Variants in MYNN observed in about 807,000 individuals in gnomAD.
MYNN encodes zinc finger and BTB domain-containing protein 31.
MYNN carries 22 observed loss-of-function variants against 57.2 expected under a neutral mutation model. The observed-to-expected ratio is 0.38, with a 90% CI of 0.27 to 0.55. The LOEUF (loss-of-function observed/expected upper bound fraction) is 0.55, where lower values mean the gene tolerates loss of function less well. MYNN is among the 20% of genes least tolerant of loss of function. The pLI is 0.71. For missense variants in MYNN, 566 were observed against 723.1 expected, an observed-to-expected ratio of 0.78 and a Z score of 2.49; for synonymous variants, 241 against 257.1, an observed-to-expected ratio of 0.94 and a Z score of 0.60.
At chr3:169,774,111 GA>G in intron 1 of MYNN, 153 bp from the exon 2 acceptor site, 1 of 601,710 alleles carries the variant, frequency 1.7e-6, no homozygotes, top group Non-Finnish European at 2.9e-6. Flanking sequence ...ACCAAAGATA[GA>G]AAGGCACTCA....
chr3:169,778,901 G>A lies in MYNN; in HGVS notation c.400G>A (p.Gly134Arg), dbSNP rs1272092027. Residue 134 changes from glycine to arginine, a missense_variant, in exon 3 of 8, where the codon GGA becomes AGA. Around this residue, in one of 4 missense-constraint regions of MYNN, gnomAD observed 261 missense variants for 280.8 expected, o/e 0.93. Transcript: ENST00000349841. ...TTCTACAGAGATATCTAGTATTACT[G>A]GAAACATTGAATTGAATCAACAGAC... ...PSSTEISSIT[G>R]NIELNQQTCL... The A allele has an allele frequency of 1.9e-6, 3 of 1,613,862 alleles. No homozygotes were observed. Among genetic ancestry groups the A allele is most frequent in the Non-Finnish European group, 2.5e-6 (3 of 1,180,006 alleles).
intron 5 of MYNN, among the ~76,000 whole-genome samples, chr3:169,783,029 TAC>T (rs1778565241): frequency 6.6e-6 from 1 of 152,168 alleles, no homozygotes; most frequent in South Asian, 2.1e-4. Context: ...GGACCTTTCC[TAC>T]ACAGATATTC....
Position 169,774,545 on chromosome 3 carries a change from A to G in MYNN, c.250A>G (p.Thr84Ala). 6.2e-7 allele frequency: 1 copy of G among 1,611,678 alleles called. No homozygotes were observed. Among genetic ancestry groups the G allele is most frequent in the Non-Finnish European group, 8.5e-7 (1 of 1,178,074 alleles). The change falls in exon 2 of 8, where the codon ACT (threonine) becomes GCT (alanine). Residue 84 changes from threonine to alanine, a missense_variant. Around this residue, in one of 4 missense-constraint regions of MYNN, gnomAD observed 261 missense variants for 280.8 expected, o/e 0.93. Coordinates refer to ENST00000349841, the MANE Select transcript of MYNN (RefSeq NM_018657.5). ...QKLLEFIYTG[T>A]LNLDSWNVKE... is the part of the protein sequence containing the mutation. ...ACTGTTGGAGTTTATATACACAGGAACTTTAAATCTTGACAGGTAAAGTAC... is the reference window on the plus strand; with the variant it reads ...ACTGTTGGAGTTTATATACACAGGAGCTTTAAATCTTGACAGGTAAAGTAC...
Position 169,779,036 on chromosome 3 carries a change from A to T in MYNN, c.535A>T (p.Thr179Ser). The T allele has an allele frequency of 6.2e-7, 1 of 1,614,088 alleles. No individual in the cohort carries two copies. Among genetic ancestry groups the T allele is most frequent in the Middle Eastern group, 1.6e-4 (1 of 6,062 alleles). ...QGALAKKSSQTKKKKKAFNSP... is the reference protein window; with the variant it reads ...QGALAKKSSQSKKKKKAFNSP... ...CGCGTTAGCGAAAAAGTCATCTCAA[A>T]CGAAAAAGAAGAAGAAGGCTTTCAA... Residue 179 changes from threonine to serine, a missense_variant, in exon 3 of 8, where the codon ACG becomes TCG. Thr to Ser is a moderately conservative substitution (Grantham distance 58). Around this residue, in one of 4 missense-constraint regions of MYNN, gnomAD observed 261 missense variants for 280.8 expected, o/e 0.93. Transcript: ENST00000349841.
At chr3:169,785,774 T>A (rs1320586585) in intron 7 of MYNN, among the ~76,000 whole-genome samples, 2 of 152,040 alleles carry the variant, frequency 1.3e-5, no homozygotes, top group Non-Finnish European at 2.9e-5. Flanking sequence ...GAAACCAAAA[T>A]CATGTCAACA....
chr3:169,783,777 C>T, intron 6 of MYNN: 2 of 607,870 alleles, frequency 3.3e-6, no homozygotes, highest in Non-Finnish European at 6.1e-6. Context: ...GTTGGTTTTC[C>T]AAGAAATATG....
chr3:169,784,797 A>G, intron 7 of MYNN, 89 bp downstream of exon 7: 1 of 815,142 alleles, frequency 1.2e-6, no homozygotes, highest in Non-Finnish European at 1.9e-6. Flanking sequence ...GATGAGATTT[A>G]CATTTAAGCA....
Position 169,776,694 on chromosome 3 carries a change from A to ATTTTT in MYNN, c.267-2051_267-2047dup, listed in dbSNP as rs10681957. On this transcript the variant is annotated intron_variant, in intron 2 of 7. Coordinates refer to ENST00000349841, the MANE Select transcript of MYNN (RefSeq NM_018657.5). ...GAATTACCATTTCAATGTTGAACAA[A>ATTTTT]TTTTTTTTTTTTTTTTTTTTTTTTT... 5.4e-4 allele frequency among the ~76,000 whole-genome samples: 57 copies of ATTTTT among 105,664 alleles called. 2 individuals are homozygous for ATTTTT. The highest frequency in any genetic ancestry group is 5.8e-3 in the Middle Eastern group (1 of 172). 69.3% of individuals were successfully genotyped at this position (105,664 alleles called of 152,430 possible). A position where few individuals can be genotyped will look rare whatever the true frequency, so the allele number is the denominator to read the frequency against.
Position 169,788,948 on chromosome 3 carries a change from CTTTATA to C in MYNN, c.*2274_*2279del, listed in dbSNP as rs1778749704. ...TAACTACCATTTTAGTTAAGTCCAA[CTTTATA>C]TTTGTTACAATGCAGTGTTTTGGGA... On this transcript the variant is annotated 3_prime_UTR_variant, in exon 8 of 8. Transcript: ENST00000349841. The C allele has an allele frequency of 6.6e-6, 1 of 152,040 alleles. No homozygotes were observed. The highest frequency in any genetic ancestry group is 1.5e-5 in the Non-Finnish European group (1 of 67,994). The allele number at this position is 152,040 out of a possible 1,614,324, so 9.4% of individuals were successfully genotyped here. A position where few individuals can be genotyped will look rare whatever the true frequency, so the allele number is the denominator to read the frequency against.
intron 5 of MYNN, 41 bp from the exon 6 acceptor site, chr3:169,783,436 G>A (rs777873019): frequency 1.9e-6 from 2 of 1,063,766 alleles, no homozygotes; most frequent in Non-Finnish European, 2.9e-6. Context: ...ATATTATATT[G>A]GTATAGTACA....
Position 169,786,514 on chromosome 3 carries a change from C to T in MYNN, c.1669C>T (p.Pro557Ser), listed in dbSNP as rs765453822. 6.2e-7 allele frequency: 1 copy of T among 1,613,640 alleles called. No individual in the cohort carries two copies. Among genetic ancestry groups the T allele is most frequent in the South Asian group, 1.1e-5 (1 of 91,070 alleles). The part of the protein sequence containing the change: ...SPLSETMDVK[P>S]SDMTLPLALP... ...TTTATCAGAAACTATGGATGTGAAG[C>T]CTTCTGATATGACTTTACCATTAGC... The change falls in exon 8 of 8, where the codon CCT becomes TCT. Residue 557 changes from proline to serine, a missense_variant. By Grantham distance (74) the Pro-to-Ser change is moderately conservative. Coordinates refer to ENST00000349841, the MANE Select transcript of MYNN (RefSeq NM_018657.5).
chr3:169,774,704 C>A (rs1778277725), intron 2 of MYNN, 143 bp downstream of exon 2: 1 of 755,790 alleles, frequency 1.3e-6, no homozygotes, highest in Non-Finnish European at 2.1e-6. Context: ...ATAAAGAAAT[C>A]AGTATCACTG....
chr3:169,785,065 A>AC (rs1250220985), intron 7 of MYNN, among the ~76,000 whole-genome samples: 1 of 128,018 alleles, frequency 7.8e-6, no homozygotes, highest in East Asian at 3.4e-4. Context: ...TTATTATGAA[A>AC]AAAAAGGGGG....
intron 1 of MYNN, 68 bp from the exon 2 acceptor site, chr3:169,774,197 T>C (rs746657214): frequency 8.2e-7 from 1 of 1,224,940 alleles, no homozygotes; most frequent in Non-Finnish European, 1.2e-6. Flanking sequence ...ATGTCCTCTG[T>C]CCCTTCCCTC....
chr3:169,785,824 T>C (rs1034284543), intron 7 of MYNN, among the ~76,000 whole-genome samples: 8 of 152,034 alleles, frequency 5.3e-5, no homozygotes, highest in Non-Finnish European at 7.4e-5. Flanking sequence ...ATTGGAAAAT[T>C]TGAAGGCAAA....
chr3:169,786,340 G>T, intron 7 of MYNN, 76 bp from the exon 8 acceptor site: 2 of 1,381,182 alleles, frequency 1.4e-6, no homozygotes, highest in East Asian at 2.3e-5. Flanking sequence ...TCTGGGAATG[G>T]TAAGTACATT....
Position 169,789,170 on chromosome 3 carries a change from G to GT in MYNN, c.*2497dup, listed in dbSNP as rs1778754591. ...TAGATTATATAAAAATTTTTTTGCT[G>GT]TTTTTAAATGGCATTTGTCTTATGT... On this transcript the variant is annotated 3_prime_UTR_variant, in exon 8 of 8. Transcript: ENST00000349841. The GT allele has an allele frequency of 6.6e-6, 1 of 151,998 alleles. No individual in the cohort carries two copies. Among genetic ancestry groups the GT allele is most frequent in the South Asian group, 2.1e-4 (1 of 4,826 alleles). 9.4% of individuals were successfully genotyped at this position (151,998 alleles called of 1,614,324 possible).
chr3:169,774,664 C>G (rs1288861343), intron 2 of MYNN, 103 bp downstream of exon 2: 10 of 1,074,638 alleles, frequency 9.3e-6, no homozygotes, highest in South Asian at 1.5e-5. Flanking sequence ...TCAAATTCTT[C>G]ACCTATTTAT....
rs1445733869 is a variant in MYNN, at chr3:169,786,824, CA to C, written c.*148del. The C allele has an allele frequency of 1.3e-6, 1 of 758,926 alleles. No individual in the cohort carries two copies. The highest frequency in any genetic ancestry group is 2.1e-6 in the Non-Finnish European group (1 of 481,052). The allele number at this position is 758,926 out of a possible 1,614,324, so 47.0% of individuals were successfully genotyped here. A position where few individuals can be genotyped will look rare whatever the true frequency, so the allele number is the denominator to read the frequency against. On this transcript the variant is annotated 3_prime_UTR_variant, in exon 8 of 8. Coordinates refer to ENST00000349841, the MANE Select transcript of MYNN (RefSeq NM_018657.5). ...AGTAAAAGCACCTGATGCTGCATCA[CA>C]ACTGCAATGTTTGTTTTTATTTTTG...
Sources: gnomAD v4.1 joint callset for allele counts (sites outside exome capture counted in the v4.1 genomes callset) on GRCh38, gnomAD v4.1.1 for gene constraint, gnomAD v4.1.1 regional missense constraint, MANE v1.5 for transcripts, NCBI Gene and HGNC (gene_info 2026-07-23, HGNC 2026-07-21) for gene names.